The following ZNF827 variants were observed in gnomAD, a reference collection of about 807,000 sequenced individuals.
The protein encoded by ZNF827 is zinc finger protein 827.
Under a neutral mutation model 102.4 loss-of-function variants are expected in ZNF827, and 13 were observed. That is an observed-to-expected ratio of 0.13 (90% CI 0.08 to 0.20). The LOEUF (loss-of-function observed/expected upper bound fraction) is 0.20, where lower values mean the gene tolerates loss of function less well. Ranked by LOEUF, ZNF827 falls within the 10% of genes least tolerant of loss-of-function variation. ZNF827 has a pLI of 1.00. For missense variants in ZNF827, 1,103 were observed against 1,344.4 expected, an observed-to-expected ratio of 0.82 and a Z score of 2.81; for synonymous variants, 523 against 536.2, an observed-to-expected ratio of 0.98 and a Z score of 0.34.
At chr4:145,879,310 T>A (rs1259709789) in intron 4 of ZNF827, among the ~76,000 whole-genome samples, 1 of 152,222 alleles carries the variant, frequency 6.6e-6, no homozygotes, top group Non-Finnish European at 1.5e-5. Flanking sequence ...TTACATGATG[T>A]GGCTGGCACA....
intron 1 of ZNF827, among the ~76,000 whole-genome samples, chr4:145,918,247 C>T (rs1193154882): frequency 4.3e-5 from 6 of 139,992 alleles, no homozygotes; most frequent in Admixed American, 2.3e-4. Flanking sequence ...TTATGCTTTG[C>T]GGGGCACATA....
chr4:145,928,505 T>C (rs1753588357), intron 1 of ZNF827, among the ~76,000 whole-genome samples: 1 of 152,212 alleles, frequency 6.6e-6, no homozygotes, highest in Non-Finnish European at 1.5e-5. Flanking sequence ...AGTGTGTTAA[T>C]ATGGCCAGCA....
intron 1 of ZNF827, among the ~76,000 whole-genome samples, chr4:145,916,004 C>T (rs1752640180): frequency 6.6e-6 from 1 of 152,212 alleles, no homozygotes; most frequent in African/African-American, 2.4e-5. Flanking sequence ...CCTTTGACTC[C>T]ATGTCCCCAA....
At chr4:145,804,564 G>T (rs1235677262) in intron 8 of ZNF827, among the ~76,000 whole-genome samples, 1 of 152,168 alleles carries the variant, frequency 6.6e-6, no homozygotes, top group African/African-American at 2.4e-5. Context: ...GAGTAACAAA[G>T]AAAATGTTTT....
intron 8 of ZNF827, among the ~76,000 whole-genome samples, chr4:145,798,271 A>G (rs1041943439): frequency 9.2e-5 from 14 of 152,236 alleles, no homozygotes; most frequent in Non-Finnish European, 1.6e-4. Context: ...ACTAGTAAAA[A>G]GTATGAAATG....
At chr4:145,922,196 C>T (rs1016405651) in intron 1 of ZNF827, among the ~76,000 whole-genome samples, 1 of 152,130 alleles carries the variant, frequency 6.6e-6, no homozygotes, top group African/African-American at 2.4e-5. Flanking sequence ...GCACATGCAC[C>T]AAGATGTGGC....
intron 8 of ZNF827, among the ~76,000 whole-genome samples, chr4:145,808,666 G>C (rs1189786459): frequency 6.6e-6 from 1 of 152,222 alleles, no homozygotes; most frequent in Non-Finnish European, 1.5e-5. Context: ...ATACCTTAAA[G>C]AGGAGTTCTA....
intron 8 of ZNF827, among the ~76,000 whole-genome samples, chr4:145,791,299 T>C (rs983484536): frequency 4.6e-5 from 7 of 152,190 alleles, no homozygotes; most frequent in Admixed American, 3.3e-4. Context: ...GGGCCTCTTT[T>C]ATAGGGGCAC....
intron 1 of ZNF827, among the ~76,000 whole-genome samples, chr4:145,937,788 C>A (rs1182231687): frequency 1.3e-5 from 2 of 150,258 alleles, no homozygotes; most frequent in Admixed American, 6.6e-5. Context: ...CGACCAACCC[C>A]GGCGCAACCT....
chr4:145,838,148 G>T (rs986801743), intron 7 of ZNF827, among the ~76,000 whole-genome samples: 12 of 152,172 alleles, frequency 7.9e-5, no homozygotes, highest in Non-Finnish European at 1.2e-4. Flanking sequence ...AATCACAAAA[G>T]AAGTGAATAT....
intron 8 of ZNF827, among the ~76,000 whole-genome samples, chr4:145,805,125 T>TTGTGTGTG (rs35536912): frequency 1.6e-3 from 243 of 148,372 alleles, no homozygotes; most frequent in African/African-American, 3.9e-3. Context: ...GCAATTCCTT[T>TTGTGTGTG]TGTGTGTGTG....
chr4:145,912,082 T>C lies in ZNF827; in HGVS notation c.44-8867A>G, dbSNP rs542788120. 2.6e-5 allele frequency among the ~76,000 whole-genome samples: 4 copies of C among 152,304 alleles called. No individual in the cohort carries two copies. In the South Asian group the frequency reaches 6.2e-4, roughly 24 times the overall value. On this transcript the variant is annotated intron_variant, in intron 1 of 14. Transcript: ENST00000508784. ...CAAATATTCAGAACATCTGACAATA[T>C]GTGAGGAGCTTGACAAAAGAATAAT...
In ZNF827 at chr4:145,760,666, G is replaced by T; in HGVS notation, c.*950C>A. ...GTACACATGTTCCAGACCCATCGGGGTCTGTAGGTTTTGCAGCAACATACA... is the reference window on the plus strand; with the variant it reads ...GTACACATGTTCCAGACCCATCGGGTTCTGTAGGTTTTGCAGCAACATACA... On this transcript the variant is annotated 3_prime_UTR_variant, in exon 15 of 15. Coordinates refer to ENST00000508784, the MANE Select transcript of ZNF827 (RefSeq NM_001306215.2). 1.1e-5 allele frequency: 8 copies of T among 702,330 alleles called. No homozygotes were observed. The highest frequency in any genetic ancestry group is 1.3e-5 in the Non-Finnish European group (7 of 537,674). 43.5% of individuals were successfully genotyped at this position (702,330 alleles called of 1,614,324 possible). A position where few individuals can be genotyped will look rare whatever the true frequency, so the allele number is the denominator to read the frequency against.
chr4:145,777,774 T>G (rs765691897), intron 9 of ZNF827, among the ~76,000 whole-genome samples: 1 of 152,170 alleles, frequency 6.6e-6, no homozygotes, highest in Non-Finnish European at 1.5e-5. Flanking sequence ...ATTTTTGTCT[T>G]TCTCTAATTA....
intron 5 of ZNF827, among the ~76,000 whole-genome samples, chr4:145,860,960 T>C (rs1264308487): frequency 2.0e-5 from 3 of 152,226 alleles, no homozygotes; most frequent in Non-Finnish European, 4.4e-5. Flanking sequence ...TCAGACTATA[T>C]GCATCTTCCA....
rs1197996783 is a variant in ZNF827 at position 145,902,075 on chromosome 4, T to C, written c.1093+91A>G. The C allele has an allele frequency of 5.4e-6, 8 of 1,479,170 alleles. No homozygotes were observed. In the East Asian group the frequency reaches 1.2e-4, roughly 21 times the overall value. 91.6% of individuals were successfully genotyped at this position (1,479,170 alleles called of 1,614,324 possible). On this transcript the variant is annotated intron_variant, in intron 2 of 14. Coordinates refer to ENST00000508784, the MANE Select transcript of ZNF827 (RefSeq NM_001306215.2). This position sits in a 1 kb window ranked among gnomAD's most constrained non-coding sequence, Gnocchi z 4.3. ...TTTTTTATTCCTGCCTCAGATCAGA[T>C]GGGGAACCCAACTGAAAAAAGCAAT...
At chr4:145,869,890 C>A (rs1239687241) in intron 5 of ZNF827, among the ~76,000 whole-genome samples, 1 of 152,136 alleles carries the variant, frequency 6.6e-6, no homozygotes, top group Non-Finnish European at 1.5e-5. Context: ...AATGCCAGGT[C>A]CTCTATTAGG....
At chr4:145,775,442 A>T (rs1207085282) in intron 10 of ZNF827, among the ~76,000 whole-genome samples, 1 of 151,642 alleles carries the variant, frequency 6.6e-6, no homozygotes. Context: ...TTTTTTTTAA[A>T]CAATTCTTAG....
At chr4:145,890,000 AT>A (rs1340385749) in intron 3 of ZNF827, among the ~76,000 whole-genome samples, 1 of 151,582 alleles carries the variant, frequency 6.6e-6, no homozygotes, top group Non-Finnish European at 1.5e-5. Context: ...AAAAAAAAAA[AT>A]CTGTCCGTCC....
Sources: allele counts gnomAD v4.1 joint callset (sites outside exome capture counted in the v4.1 genomes callset), GRCh38; gene constraint gnomAD v4.1.1; non-coding constraint Gnocchi (gnomAD v3.1); transcripts MANE v1.5; gene names NCBI Gene and HGNC (gene_info 2026-07-23, HGNC 2026-07-21).